ABCC1: variants seen among roughly 807,000 people sequenced by gnomAD.
ABCC1 encodes the protein multidrug resistance-associated protein 1.
In ABCC1, 83 loss-of-function variants were observed where a neutral mutation model predicts 172.9. That is an observed-to-expected ratio of 0.48 (90% CI 0.40 to 0.58). ABCC1 has a LOEUF of 0.58. Among genes scored for constraint, ABCC1 ranks in the 20% least tolerant of loss-of-function variants. The pLI is 0.00. For synonymous variants in ABCC1, 937 were observed against 825.2 expected (o/e 1.14, Z -2.32); for missense variants, 1,817 against 2,002.7 (o/e 0.91, Z 1.77).
chr16:16,083,278 C>G (rs1284369469), intron 16 of ABCC1, 88 bp from the exon 17 acceptor site: 12 of 1,357,686 alleles, frequency 8.8e-6, no homozygotes, highest in Non-Finnish European at 1.1e-5. Flanking sequence ...AAGTGAGGCC[C>G]TCCTAGCAGG....
chr16:16,134,853 G>A (rs2045859411), intron 28 of ABCC1, among the ~76,000 whole-genome samples: 1 of 152,006 alleles, frequency 6.6e-6, no homozygotes, highest in Non-Finnish European at 1.5e-5. Flanking sequence ...TGTTGCCCAG[G>A]CTGCCCTTGA....
At chr16:16,081,481 G>T (rs1316055353) in intron 16 of ABCC1, among the ~76,000 whole-genome samples, 1 of 152,170 alleles carries the variant, frequency 6.6e-6, no homozygotes. Flanking sequence ...GTTTGGCCTA[G>T]GTAAGGGGAG....
intron 1 of ABCC1, among the ~76,000 whole-genome samples, chr16:15,971,309 T>C (rs974251563): frequency 2.0e-4 from 30 of 151,374 alleles, no homozygotes; most frequent in African/African-American, 6.5e-4. Flanking sequence ...CTTGGGGAGG[T>C]GTGGTGGCGG....
chr16:15,960,404 T>C (rs1403723518), intron 1 of ABCC1, among the ~76,000 whole-genome samples: 5 of 152,156 alleles, frequency 3.3e-5, no homozygotes, highest in Non-Finnish European at 4.4e-5. Context: ...GTTCATTGTA[T>C]TGTTCTTCCC....
chr16:16,052,317 A>G (rs60905603), intron 10 of ABCC1, among the ~76,000 whole-genome samples: 3,102 of 152,116 alleles, frequency 0.02, 98 homozygotes, highest in African/African-American at 0.067. Flanking sequence ...GCAATGTAGC[A>G]AGACCTAATG....
intron 19 of ABCC1, among the ~76,000 whole-genome samples, chr16:16,097,803 G>C (rs998785214): frequency 6.6e-6 from 1 of 152,204 alleles, no homozygotes; most frequent in Non-Finnish European, 1.5e-5. Flanking sequence ...CACCTGGTAC[G>C]TGAGCCTCTG....
chr16:15,992,874 T>C (rs1359215379), intron 1 of ABCC1, among the ~76,000 whole-genome samples: 3 of 152,168 alleles, frequency 2.0e-5, no homozygotes, highest in African/African-American at 7.2e-5. Context: ...TCCTAGCTCA[T>C]TGGTGCAGCC....
At chr16:16,099,426 T>C (rs2051628690) in intron 19 of ABCC1, among the ~76,000 whole-genome samples, 1 of 152,140 alleles carries the variant, frequency 6.6e-6, no homozygotes, top group African/African-American at 2.4e-5. Context: ...CCTCCTGCCT[T>C]CTGCAGTGTG....
At chr16:15,980,303 G>C (rs559107200) in intron 1 of ABCC1, among the ~76,000 whole-genome samples, 8 of 152,164 alleles carry the variant, frequency 5.3e-5, no homozygotes, top group Non-Finnish European at 8.8e-5. Context: ...CCAGGAGTTC[G>C]AGACCAGCCT....
Position 16,134,409 on chromosome 16 carries a change from G to A in ABCC1, c.4026G>A (p.Arg1342=), listed in dbSNP as rs2045832884. ...CGTCCCTGACCCTGGGCTTATTTCG[G>A]ATCAACGAGTCTGCCGAAGGAGAGA... The part of the protein sequence containing the change: ...GKSSLTLGLF[R]INESAEGEII... Residue 1342 remains arginine (R), a synonymous_variant, in exon 28 of 31, where the codon CGG becomes CGA. Transcript: ENST00000399410. The A allele has an allele frequency of 6.2e-7, 1 of 1,613,956 alleles. No individual in the cohort carries two copies. The highest frequency in any genetic ancestry group is 8.5e-7 in the Non-Finnish European group (1 of 1,180,020).
chr16:15,988,258 C>T (rs908899515), intron 1 of ABCC1, among the ~76,000 whole-genome samples: 1 of 152,166 alleles, frequency 6.6e-6, no homozygotes, highest in East Asian at 1.9e-4. Context: ...AAGGCTTGCC[C>T]TCTTCTCTGA....
At chr16:16,002,342 A>G (rs1220871501) in intron 1 of ABCC1, among the ~76,000 whole-genome samples, 1 of 152,234 alleles carries the variant, frequency 6.6e-6, no homozygotes, top group African/African-American at 2.4e-5. Context: ...AGAAGACATA[A>G]GCAACCCATG....
intron 5 of ABCC1, among the ~76,000 whole-genome samples, chr16:16,032,049 C>T (rs947378691): frequency 4.6e-5 from 7 of 152,100 alleles, no homozygotes; most frequent in Non-Finnish European, 4.4e-5. Flanking sequence ...GTAGTGCAGT[C>T]GTTCGATCAT....
intron 4 of ABCC1, 100 bp from the exon 5 acceptor site, chr16:16,016,396 T>C (rs246215): frequency 0.81 from 1,176,868 of 1,449,708 alleles, 480,722 homozygotes; most frequent in Non-Finnish European, 0.84. Flanking sequence ...TCAGGTGTTC[T>C]GCCTGTCTCG....
In ABCC1 at chr16:16,044,928, A is replaced by T. The variant is rs961430316; in HGVS notation, c.1040+248A>T. On this transcript the variant is annotated intron_variant, in intron 8 of 30. Coordinates refer to ENST00000399410, the MANE Select transcript of ABCC1 (RefSeq NM_004996.4). ...GCCTCCCAAAGTGCTGGGATTGCAG[A>T]TGTGAGCCATGGTCACTGCCTAGCT... Among the ~76,000 whole-genome samples, 4 of 152,148 alleles carry T rather than the reference A, an allele frequency of 2.6e-5. No individual in the cohort carries two copies. In the South Asian group the frequency reaches 8.3e-4, roughly 31 times the overall value.
At chr16:16,070,689 C>T (rs1284824746) in intron 13 of ABCC1, among the ~76,000 whole-genome samples, 1 of 152,114 alleles carries the variant, frequency 6.6e-6, no homozygotes, top group Non-Finnish European at 1.5e-5. Flanking sequence ...AAACCCAAAA[C>T]ATTTTGCCAC....
chr16:16,004,021 T>C (rs2047425462), intron 1 of ABCC1, among the ~76,000 whole-genome samples: 1 of 41,234 alleles, frequency 2.4e-5, no homozygotes, highest in African/African-American at 5.6e-5. Flanking sequence ...GATGGATGAA[T>C]TGGTGGATGG....
chr16:16,045,788 C>T (rs750768222), intron 8 of ABCC1, 48 bp from the exon 9 acceptor site: 63 of 1,586,518 alleles, frequency 4.0e-5, no homozygotes, highest in Non-Finnish European at 4.7e-5. Flanking sequence ...TCTTCCCTGC[C>T]CCCACGTGTC....
intron 5 of ABCC1, among the ~76,000 whole-genome samples, chr16:16,027,097 T>C (rs1400473852): frequency 6.6e-6 from 1 of 152,136 alleles, no homozygotes; most frequent in African/African-American, 2.4e-5. Context: ...TGGCTGTCTC[T>C]ATCCTGCGTG....
Sources: allele counts gnomAD v4.1 joint callset (sites outside exome capture counted in the v4.1 genomes callset), GRCh38; gene constraint gnomAD v4.1.1; transcripts MANE v1.5; gene names NCBI Gene and HGNC (gene_info 2026-07-23, HGNC 2026-07-21).